The following SYNE1 variants were observed in gnomAD, a reference collection of about 807,000 sequenced individuals.
SYNE1 encodes nesprin-1.
Under a neutral mutation model 1,111.0 loss-of-function variants are expected in SYNE1, and 616 were observed. The observed-to-expected ratio is 0.55, with a 90% CI of 0.52 to 0.59. The LOEUF (loss-of-function observed/expected upper bound fraction) is 0.59, where lower values mean the gene tolerates loss of function less well. Among genes scored for constraint, SYNE1 ranks in the 20% least tolerant of loss-of-function variants. The pLI, the probability that SYNE1 is intolerant of heterozygous loss-of-function variation, is 0.00. For synonymous variants in SYNE1, 3,855 were observed against 3,825.8 expected (o/e 1.01, Z -0.28); for missense variants, 10,006 against 10,417.0 (o/e 0.96, Z 1.72).
At position 152,451,222 on chromosome 6, in the gene SYNE1, G is replaced by C; in HGVS notation, c.3028-17C>G. On this transcript the variant is annotated splice_polypyrimidine_tract_variant and intron_variant, in intron 25 of 145. Transcript: ENST00000367255. Reference sequence around the variant, plus strand: ...TTGAAGATCCTACATTCCATAGGAAGATTCAGAAAATTAGGATGAAGTTCC... The same window carrying C: ...TTGAAGATCCTACATTCCATAGGAACATTCAGAAAATTAGGATGAAGTTCC... The C allele has an allele frequency of 6.2e-7, 1 of 1,612,396 alleles. No homozygotes were observed. The highest frequency in any genetic ancestry group is 2.2e-5 in the East Asian group (1 of 44,822).
intron 93 of SYNE1, among the ~76,000 whole-genome samples, chr6:152,295,141 T>C (rs1350441069): frequency 6.6e-6 from 1 of 152,236 alleles, no homozygotes; most frequent in Non-Finnish European, 1.5e-5. Flanking sequence ...CTTGTGTAGC[T>C]ATATAATTGG....
chr6:152,135,161 G>A lies in SYNE1; in HGVS notation c.25731C>T (p.Val8577=). The A allele has an allele frequency of 6.2e-7, 1 of 1,614,050 alleles. No homozygotes were observed. ...ENIDRRKNEI[V]PIDSNLDAEI... ...CTGCATCAAGGTTAGAATCAATAGG[G>A]ACAATTTCATTTTTCCTTCTGTCAA... The change falls in exon 142 of 146, where the codon GTC becomes GTT. Residue 8577 remains valine (V), a synonymous_variant. Transcript: ENST00000367255.
Position 152,141,344 on chromosome 6 carries a change from A to G in SYNE1, c.25120-15T>C. The G allele has an allele frequency of 6.2e-7, 1 of 1,613,624 alleles. No individual in the cohort carries two copies. Among genetic ancestry groups the G allele is most frequent in the Non-Finnish European group, 8.5e-7 (1 of 1,179,968 alleles). ...AGCAGTTTCATCTGTTTAGACATAAACAACCGGCCCCTGTCACCCAAATCT... is the reference window on the plus strand; with the variant it reads ...AGCAGTTTCATCTGTTTAGACATAAGCAACCGGCCCCTGTCACCCAAATCT... On this transcript the variant is annotated splice_polypyrimidine_tract_variant and intron_variant, in intron 138 of 145. Coordinates refer to ENST00000367255, the MANE Select transcript of SYNE1 (RefSeq NM_182961.4).
chr6:152,330,544 T>C lies in SYNE1; in HGVS notation c.14141A>G (p.Asp4714Gly), dbSNP rs2153971357. 1 of 1,614,092 alleles carries C rather than the reference T, an allele frequency of 6.2e-7. No homozygotes were observed. Among genetic ancestry groups the C allele is most frequent in the East Asian group, 2.2e-5 (1 of 44,872 alleles). Residue 4714 changes from aspartate (D) to glycine (G), a missense_variant, in exon 78 of 146, where the codon GAT becomes GGT. Coordinates refer to ENST00000367255, the MANE Select transcript of SYNE1 (RefSeq NM_182961.4). ...CTCGTCCAGAATGGCTCTGCAACCA[T>C]CTTGCAGAGAAAGAGCCTCCTCAAC... ...LAVEEALSLQDGCRAILDEVA... is the reference protein window; with the variant it reads ...LAVEEALSLQGGCRAILDEVA...
chr6:152,480,683 C>T, intron 14 of SYNE1: 3 of 446,718 alleles, frequency 6.7e-6, no homozygotes, highest in South Asian at 4.8e-5. Flanking sequence ...GAAGTTCCTA[C>T]CTCAATGAAA....
Position 152,152,153 on chromosome 6 carries a change from G to C in SYNE1, c.24130-12C>G, listed in dbSNP as rs747152847. The C allele has an allele frequency of 1.1e-5, 18 of 1,613,422 alleles. No homozygotes were observed. The highest frequency in any genetic ancestry group is 1.4e-5 in the Non-Finnish European group (17 of 1,179,632). ...TGTCGCTGGAAAGCCTAAGGCCACA[G>C]AGAAGCATATCAGTGTGAGAAATCA... On this transcript the variant is annotated splice_polypyrimidine_tract_variant and intron_variant, in intron 133 of 145. Coordinates refer to ENST00000367255, the MANE Select transcript of SYNE1 (RefSeq NM_182961.4).
chr6:152,427,829 G>A lies in SYNE1; in HGVS notation c.4977-13C>T. On this transcript the variant is annotated splice_polypyrimidine_tract_variant and intron_variant, in intron 37 of 145. Transcript: ENST00000367255. ...TTCTTTCTCTAGCCTAAAGGAAGCAGAGAGCAGAAACAAATTTATTGAAAA... is the reference window on the plus strand; with the variant it reads ...TTCTTTCTCTAGCCTAAAGGAAGCAAAGAGCAGAAACAAATTTATTGAAAA... 2 of 1,613,974 alleles carry A rather than the reference G, an allele frequency of 1.2e-6. No homozygotes were observed. Among genetic ancestry groups the A allele is most frequent in the Non-Finnish European group, 8.5e-7 (1 of 1,180,010 alleles).
intron 3 of SYNE1, among the ~76,000 whole-genome samples, chr6:152,573,777 T>G (rs1263914575): frequency 6.6e-6 from 1 of 152,150 alleles, no homozygotes; most frequent in Non-Finnish European, 1.5e-5. Flanking sequence ...TTTTTAAAAC[T>G]TTGAAGAAAA....
At chr6:152,536,386 A>ATTAC (rs1564709521) in intron 4 of SYNE1, among the ~76,000 whole-genome samples, 1 of 120,654 alleles carries the variant, frequency 8.3e-6, no homozygotes, top group African/African-American at 2.9e-5. Context: ...TAATATATAT[A>ATTAC]TATTTATATA....
chr6:152,283,928 G>T, intron 96 of SYNE1, 50 bp downstream of exon 96: 1 of 1,442,360 alleles, frequency 6.9e-7, no homozygotes, highest in Non-Finnish European at 9.8e-7. Context: ...GTAACACAAC[G>T]TTAAAAGTTA....
At chr6:152,505,127 T>C in intron 9 of SYNE1, 74 bp downstream of exon 9, 1 of 1,512,426 alleles carries the variant, frequency 6.6e-7, no homozygotes, top group Non-Finnish European at 9.2e-7. Flanking sequence ...TTGGAAGTCA[T>C]GTGTATTTCT....
intron 123 of SYNE1, 139 bp downstream of exon 123, chr6:152,213,473 A>T: frequency 1.0e-6 from 1 of 979,696 alleles, no homozygotes; most frequent in Non-Finnish European, 1.6e-6. Flanking sequence ...CCTCAAGCTT[A>T]AGAAAGAAGG....
intron 55 of SYNE1, 194 bp from the exon 56 acceptor site, chr6:152,381,556 ATGG>A: frequency 1.6e-6 from 1 of 626,238 alleles, no homozygotes; most frequent in Admixed American, 2.8e-5. Context: ...CCTAAGGCTT[ATGG>A]CAAAAAAATC....
In SYNE1 at chr6:152,399,603, C is replaced by G; in HGVS notation, c.7237+13G>C. ...GAAACAAACTACTCATGCTAAGGCC[C>G]CTCAGAACTCACCACTGAAGTGTTT... is the stretch of plus-strand genomic sequence containing the variant. On this transcript the variant is annotated intron_variant, in intron 48 of 145. Transcript: ENST00000367255. The G allele has an allele frequency of 1.2e-6, 2 of 1,613,918 alleles. No individual in the cohort carries two copies. Among genetic ancestry groups the G allele is most frequent in the Non-Finnish European group, 1.7e-6 (2 of 1,179,932 alleles).
chr6:152,163,599 TG>T (rs1239504764), intron 131 of SYNE1, among the ~76,000 whole-genome samples: 2 of 152,194 alleles, frequency 1.3e-5, no homozygotes, highest in East Asian at 3.9e-4. Context: ...TTTGCTTTGT[TG>T]GGTTGTACGC....
intron 130 of SYNE1, chr6:152,167,982 C>T (rs771578760): frequency 6.4e-6 from 5 of 778,192 alleles, no homozygotes; most frequent in South Asian, 1.4e-5. Context: ...GGCCAGCTAT[C>T]TCCCAACACC....
At chr6:152,182,147 C>A (rs1363280148) in intron 128 of SYNE1, among the ~76,000 whole-genome samples, 1 of 152,166 alleles carries the variant, frequency 6.6e-6, no homozygotes, top group Non-Finnish European at 1.5e-5. Context: ...TATATATATA[C>A]AATGGGCTTG....
chr6:152,215,260 C>T lies in SYNE1; in HGVS notation c.22192-200G>A, dbSNP rs569532930. ...TACTTTTCAGTCTAAACTGCTGCTG[C>T]TGCTGCTATTGCTACTCAAGCTACT... On this transcript the variant is annotated intron_variant, in intron 121 of 145. Transcript: ENST00000367255. Among the ~76,000 whole-genome samples, 4 of 152,318 alleles carry T rather than the reference C, an allele frequency of 2.6e-5. No individual in the cohort carries two copies. The South Asian group carries it at 8.3e-4, about 32-fold the overall frequency.
At position 152,274,672 on chromosome 6, in the gene SYNE1, C is replaced by G. The variant is rs2093459440; in HGVS notation, c.18573+3417G>C. The stretch of plus-strand genomic sequence containing the variant: ...AGTGCAATGGCGTGATCTCGGCTCA[C>G]TGCAACCTCTGCCTCCTCGGTTCAA... On this transcript the variant is annotated intron_variant, in intron 98 of 145. Transcript: ENST00000367255. Among the ~76,000 whole-genome samples, 7 of 152,304 alleles carry G rather than the reference C, an allele frequency of 4.6e-5. No homozygotes were observed. In the South Asian group the frequency reaches 1.5e-3, roughly 32 times the overall value.
Sources: allele counts gnomAD v4.1 joint callset (sites outside exome capture counted in the v4.1 genomes callset), GRCh38; gene constraint gnomAD v4.1.1; transcripts MANE v1.5; gene names NCBI Gene and HGNC (gene_info 2026-07-23, HGNC 2026-07-21).